Variants in QKI observed in about 807,000 individuals in gnomAD.
The protein encoded by QKI is KH domain-containing RNA-binding protein QKI.
QKI carries 10 observed loss-of-function variants against 39.0 expected under a neutral mutation model. The observed-to-expected ratio is 0.26, with a 90% CI of 0.16 to 0.43. The LOEUF (loss-of-function observed/expected upper bound fraction) is 0.43. Among genes scored for constraint, QKI ranks in the 20% least tolerant of loss-of-function variants. QKI has a pLI of 1.00. For missense variants in QKI, 218 were observed against 428.0 expected, an observed-to-expected ratio of 0.51 and a Z score of 4.33; for synonymous variants, 204 against 155.4, an observed-to-expected ratio of 1.31 and a Z score of -2.33.
chr6:163,422,351 T>C (rs143531031), intron 1 of QKI, among the ~76,000 whole-genome samples: 105 of 152,348 alleles, frequency 6.9e-4, no homozygotes, highest in Non-Finnish European at 9.6e-4. Context: ...ATGAATCGAT[T>C]GTAAGATTTA....
In QKI at chr6:163,570,888, A is replaced by G. The variant is rs1293331794; in HGVS notation, c.*178A>G. On this transcript the variant is annotated 3_prime_UTR_variant, in exon 8 of 8. Coordinates refer to ENST00000361752, the MANE Select transcript of QKI (RefSeq NM_006775.3). ...AAGACAAAGAAATTGTTGTCCTCCA[A>G]CTCAGCTTTTTTTTTTTTTTTTTCC... 5.0e-6 allele frequency: 4 copies of G among 795,242 alleles called. No homozygotes were observed. The highest frequency in any genetic ancestry group is 7.4e-6 in the Non-Finnish European group (4 of 540,756). 49.3% of individuals were successfully genotyped at this position (795,242 alleles called of 1,614,324 possible). A position where few individuals can be genotyped will look rare whatever the true frequency, so the allele number is the denominator to read the frequency against.
chr6:163,552,669 G>A (rs1180471230), intron 4 of QKI, among the ~76,000 whole-genome samples: 5 of 152,046 alleles, frequency 3.3e-5, no homozygotes, highest in Admixed American at 6.5e-5. Flanking sequence ...GTTCAGCGGC[G>A]TACTCATATA....
rs190301894 is a variant in QKI, at chr6:163,418,153, T to G, written c.142+2818T>G. Among the ~76,000 whole-genome samples, 576 of 152,212 alleles carry G rather than the reference T, an allele frequency of 3.8e-3. 2 individuals carry two copies. Among genetic ancestry groups the G allele is most frequent in the Non-Finnish European group, 4.6e-3 (312 of 67,984 alleles). ...AATTACTTTTAAATTTAGATAAAAT[T>G]TAGTAAAAATTTTACTTTAGTGATT... is the stretch of plus-strand genomic sequence containing the variant. On this transcript the variant is annotated intron_variant, in intron 1 of 7. Coordinates refer to ENST00000361752, the MANE Select transcript of QKI (RefSeq NM_006775.3).
chr6:163,486,117 G>A (rs1298741088), intron 3 of QKI, among the ~76,000 whole-genome samples: 1 of 152,134 alleles, frequency 6.6e-6, no homozygotes, highest in East Asian at 1.9e-4. Context: ...GACAACCTTG[G>A]AAAAGAGTTA....
At chr6:163,536,002 A>G (rs1288466319) in intron 4 of QKI, among the ~76,000 whole-genome samples, 1 of 152,164 alleles carries the variant, frequency 6.6e-6, no homozygotes, top group Non-Finnish European at 1.5e-5. Flanking sequence ...ATTTACATAA[A>G]TGAGTTATGG....
At chr6:163,506,191 C>A (rs1779084285) in intron 3 of QKI, among the ~76,000 whole-genome samples, 1 of 151,636 alleles carries the variant, frequency 6.6e-6, no homozygotes, top group Admixed American at 6.6e-5. Context: ...TTATAAATTA[C>A]CCAGTCTCAG....
At chr6:163,458,369 A>G (rs1024450422) in intron 2 of QKI, among the ~76,000 whole-genome samples, 2 of 152,174 alleles carry the variant, frequency 1.3e-5, no homozygotes, top group East Asian at 1.9e-4. Flanking sequence ...TCTTTATGCT[A>G]TGTGTCACAA....
At chr6:163,501,207 C>T (rs1227960311) in intron 3 of QKI, among the ~76,000 whole-genome samples, 1 of 151,812 alleles carries the variant, frequency 6.6e-6, no homozygotes, top group Non-Finnish European at 1.5e-5. Context: ...AAGTGCTCCC[C>T]ACCCAACACT....
chr6:163,570,318 C>T, intron 7 of QKI: 1 of 982,280 alleles, frequency 1.0e-6, no homozygotes, highest in Non-Finnish European at 1.2e-6. Flanking sequence ...ATACTGATAA[C>T]TGCACTGACT....
chr6:163,513,462 G>A (rs1216310458), intron 3 of QKI, among the ~76,000 whole-genome samples: 1 of 152,164 alleles, frequency 6.6e-6, no homozygotes, highest in Non-Finnish European at 1.5e-5. Context: ...AATATGAATA[G>A]GCTTTTTCTA....
intron 3 of QKI, among the ~76,000 whole-genome samples, chr6:163,504,401 G>A (rs938512264): frequency 5.3e-5 from 8 of 152,170 alleles, no homozygotes; most frequent in Non-Finnish European, 1.0e-4. Context: ...GATAAGTGAT[G>A]TTGGTAGTTT....
chr6:163,464,522 A>G (rs1204793457), intron 2 of QKI, among the ~76,000 whole-genome samples: 1 of 152,168 alleles, frequency 6.6e-6, no homozygotes, highest in Non-Finnish European at 1.5e-5. Context: ...AACTGATACC[A>G]TAGAAATAAT....
At chr6:163,418,916 T>C (rs1787767972) in intron 1 of QKI, among the ~76,000 whole-genome samples, 1 of 152,068 alleles carries the variant, frequency 6.6e-6, no homozygotes. Context: ...AAAGCTGATT[T>C]TGAGTTTTCA....
chr6:163,527,208 G>A (rs903768252), intron 3 of QKI, among the ~76,000 whole-genome samples: 3 of 152,074 alleles, frequency 2.0e-5, no homozygotes, highest in Non-Finnish European at 4.4e-5. Context: ...GTTTTTAAAA[G>A]TTTTTTGAGG....
chr6:163,544,678 G>A (rs1186772072), intron 4 of QKI, among the ~76,000 whole-genome samples: 1 of 151,904 alleles, frequency 6.6e-6, no homozygotes, highest in Non-Finnish European at 1.5e-5. Flanking sequence ...AAATAAACAT[G>A]GTCTTTTTGG....
At chr6:163,463,675 ACT>A (rs767158909) in intron 2 of QKI, among the ~76,000 whole-genome samples, 4 of 152,198 alleles carry the variant, frequency 2.6e-5, no homozygotes, top group Non-Finnish European at 4.4e-5. Flanking sequence ...ATAGATTATC[ACT>A]CTAGATGCTA....
At chr6:163,433,873 T>TTATA (rs1399376956) in intron 1 of QKI, among the ~76,000 whole-genome samples, 1 of 152,232 alleles carries the variant, frequency 6.6e-6, no homozygotes, top group African/African-American at 2.4e-5. Context: ...ACATACACAT[T>TTATA]TATATAACTC....
rs141667718 is a variant in QKI, at chr6:163,495,401, G to A, written c.402+16505G>A. On this transcript the variant is annotated intron_variant, in intron 3 of 7. Transcript: ENST00000361752. ...GTTGCGTGTGTGTGTGAGCATGCGC[G>A]TGTGTGTCTGTATGTATGTACATAT... Among the ~76,000 whole-genome samples, 12 of 152,222 alleles carry A rather than the reference G, an allele frequency of 7.9e-5. No individual in the cohort carries two copies. The Middle Eastern group carries it at 0.02, about 259-fold the overall frequency.
intron 6 of QKI, chr6:163,565,302 C>G (rs1359520301): frequency 1.0e-6 from 1 of 986,338 alleles, no homozygotes; most frequent in Non-Finnish European, 1.2e-6. Flanking sequence ...GCACCCACAG[C>G]ATCTGTTCCC....
Sources: allele counts gnomAD v4.1 joint callset (sites outside exome capture counted in the v4.1 genomes callset), GRCh38; gene constraint gnomAD v4.1.1; transcripts MANE v1.5; gene names NCBI Gene and HGNC (gene_info 2026-07-23, HGNC 2026-07-21).